Variants in TFR2 observed in about 807,000 individuals in gnomAD.
TFR2 encodes transferrin receptor protein 2.
In TFR2, 64 loss-of-function variants were observed where a neutral mutation model predicts 91.9. The ratio of observed to expected loss-of-function variants is 0.70; its 90% CI spans 0.57 to 0.86. The LOEUF is 0.86. TFR2 is among the 40% of genes least tolerant of loss of function. The probability of loss-of-function intolerance (pLI) is 0.00; values close to 1 mark genes in which losing one functional copy is unlikely to be tolerated. For synonymous variants in TFR2, 454 were observed against 459.6 expected (o/e 0.99, Z 0.15); for missense variants, 950 against 1,080.5 (o/e 0.88, Z 1.69).
At position 100,640,733 on chromosome 7, in the gene TFR2, G is replaced by A; in HGVS notation, c.426C>T (p.Ala142=). Residue 142 remains alanine, a synonymous_variant, in exon 3 of 18, where the codon GCC becomes GCT. Coordinates refer to ENST00000223051, the MANE Select transcript of TFR2 (RefSeq NM_003227.4). The part of the protein sequence containing the change: ...QGRLYWSDLQ[A]MFLQFLGEGR... ...CCTCCCCCAGGAACTGCAGGAACAT[G>A]GCCTGGAGGTCGCTCCAGTAGAGTC... The A allele has an allele frequency of 1.9e-6, 3 of 1,613,992 alleles. No homozygotes were observed. The highest frequency in any genetic ancestry group is 2.5e-6 in the Non-Finnish European group (3 of 1,179,978).
intron 17 of TFR2, chr7:100,626,396 T>G: frequency 1.1e-6 from 1 of 934,622 alleles, no homozygotes; most frequent in Non-Finnish European, 1.3e-6. Context: ...TAACCTCGTA[T>G]TGTGGACCAG....
Position 100,633,630 on chromosome 7 carries a change from G to A in TFR2, c.474-74C>T, listed in dbSNP as rs560568784. ...GGGAAGAGGGAAGGATGCCAGAGAC[G>A]TGGGGTCGCCAGGGGCAGGGGCGGC... On this transcript the variant is annotated intron_variant, in intron 3 of 17. Coordinates refer to ENST00000223051, the MANE Select transcript of TFR2 (RefSeq NM_003227.4). The A allele has an allele frequency of 1.2e-5, 19 of 1,526,700 alleles. No individual in the cohort carries two copies. The South Asian group carries it at 1.7e-4, about 14-fold the overall frequency. The allele number at this position is 1,526,700 out of a possible 1,614,324, so 94.6% of individuals were successfully genotyped here.
chr7:100,621,024 G>T lies in TFR2; in HGVS notation c.2239C>A (p.His747Asn), dbSNP rs544996556. 14 of 1,597,016 alleles carry T rather than the reference G, an allele frequency of 8.8e-6. No individual in the cohort carries two copies. In the South Asian group the frequency reaches 1.6e-4, roughly 18 times the overall value. Reference protein sequence around the residue: ...GDHTLGALLDHLRLLRSNSSG... With the variant: ...GDHTLGALLDNLRLLRSNSSG... ...CTGTTGGAGCGCAGCAGCCGCAGGT[G>T]GTCCAGCAGGGCGCCCAGCGTGTGG... Residue 747 changes from histidine (H) to asparagine (N), a missense_variant, in exon 18 of 18, where the codon CAC (histidine) becomes AAC (asparagine). Coordinates refer to ENST00000223051, the MANE Select transcript of TFR2 (RefSeq NM_003227.4).
At chr7:100,635,782 T>C (rs1313098521) in intron 3 of TFR2, among the ~76,000 whole-genome samples, 1 of 151,790 alleles carries the variant, frequency 6.6e-6, no homozygotes, top group Admixed American at 6.6e-5. Flanking sequence ...ATTATTTTTT[T>C]AAGAGACAGG....
At chr7:100,628,912 G>A (rs376048112) in intron 10 of TFR2, among the ~76,000 whole-genome samples, 3 of 151,968 alleles carry the variant, frequency 2.0e-5, no homozygotes, top group South Asian at 2.1e-4. Context: ...GATTACAGGC[G>A]CCCTCCACCA....
chr7:100,632,665 G>A (rs1428092213), intron 6 of TFR2: 3 of 332,168 alleles, frequency 9.0e-6, no homozygotes, highest in South Asian at 2.6e-5. Context: ...TCCTCCCACC[G>A]GAGCCTCCGG....
chr7:100,633,296 A>G lies in TFR2; in HGVS notation c.659T>C (p.Val220Ala). ...GTCCTCCAGCGGCAGCTGCTCTCCGACCTTCCCGGCCTCATCGACCCAGTG... is the reference window on the plus strand; with the variant it reads ...GTCCTCCAGCGGCAGCTGCTCTCCGGCCTTCCCGGCCTCATCGACCCAGTG... ...TLHWVDEAGK[V>A]GEQLPLEDPD... The change falls in exon 5 of 18, where the codon GTC (valine) becomes GCC (alanine). Residue 220 changes from valine to alanine, a missense_variant. Transcript: ENST00000223051. 6.2e-7 allele frequency: 1 copy of G among 1,613,322 alleles called. No individual in the cohort carries two copies. Among genetic ancestry groups the G allele is most frequent in the South Asian group, 1.1e-5 (1 of 91,048 alleles).
chr7:100,630,975 G>A lies in TFR2; in HGVS notation c.1184C>T (p.Pro395Leu), dbSNP rs1803414426. The change falls in exon 9 of 18, where the codon CCA becomes CTA. Residue 395 changes from proline (P) to leucine (L), a missense_variant. Transcript: ENST00000223051. ...LGSPYHLGPG[P>L]RLRLVVNNHR... ...ATTGTTGACCACTAGCCGCAGTCGT[G>A]GCCCGGGGCCCAGGTGATAAGGGGA... The A allele has an allele frequency of 6.2e-7, 1 of 1,612,492 alleles. No homozygotes were observed. Among genetic ancestry groups the A allele is most frequent in the Non-Finnish European group, 8.5e-7 (1 of 1,179,624 alleles).
chr7:100,629,198 G>C lies in TFR2; in HGVS notation c.1390+55C>G, dbSNP rs574605484. On this transcript the variant is annotated intron_variant, in intron 10 of 17. Coordinates refer to ENST00000223051, the MANE Select transcript of TFR2 (RefSeq NM_003227.4). ...ACTGCCTCTCTGCCCTATCCTCCTC[G>C]GGCCACAGGCCCACCGCTGCCTAGC... 8 of 1,608,288 alleles carry C rather than the reference G, an allele frequency of 5.0e-6. No individual in the cohort carries two copies. The African/African-American group carries it at 9.3e-5, about 19-fold the overall frequency.
At position 100,626,899 on chromosome 7, in the gene TFR2, C is replaced by T. The variant is rs1309851318; in HGVS notation, c.2000G>A (p.Arg667His). Residue 667 changes from arginine to histidine, a missense_variant, in exon 17 of 18, where the codon CGC becomes CAC. Arg to His is a conservative substitution (Grantham distance 29, BLOSUM62 0). Transcript: ENST00000223051. ...LNEFSGDLKARGLTLQWVYSA... is the reference protein window; with the variant it reads ...LNEFSGDLKAHGLTLQWVYSA... Reference sequence around the variant, plus strand: ...GTACACCCACTGCAGGGTCAGCCCGCGGGCCTGGGGTGGGGAGGCGCGGGC... The same window carrying T: ...GTACACCCACTGCAGGGTCAGCCCGTGGGCCTGGGGTGGGGAGGCGCGGGC... 4.6e-6 allele frequency: 7 copies of T among 1,537,986 alleles called. No individual in the cohort carries two copies. Among genetic ancestry groups the T allele is most frequent in the African/African-American group, 1.4e-5 (1 of 73,072 alleles).
At chr7:100,633,583 C>A in intron 3 of TFR2, 27 bp from the exon 4 acceptor site, 1 of 1,585,878 alleles carries the variant, frequency 6.3e-7, no homozygotes, top group Non-Finnish European at 8.5e-7. Flanking sequence ...GGGGACTTTT[C>A]TGGGCGCCCG....
rs34242818 is a variant in TFR2 at position 100,633,241 on chromosome 7, G to C, written c.714C>G (p.Ile238Met). 9.9e-3 allele frequency: 15,958 copies of C among 1,613,732 alleles called. 733 individuals are homozygous for C. In the African/African-American group the frequency reaches 0.12, roughly 12 times the overall value. The part of the protein sequence containing the change: ...DPDVYCPYSA[I>M]GNVTGELVYA... ...AGGGGGTGCTCACCGTGACGTTGCC[G>C]ATGGCGCTGTAGGGGCAGTAGACGT... is the stretch of plus-strand genomic sequence containing the variant. The change falls in exon 5 of 18, where the codon ATC becomes ATG. Residue 238 changes from isoleucine (I) to methionine (M), a missense_variant. By Grantham distance (10) the Ile-to-Met change is conservative. Coordinates refer to ENST00000223051, the MANE Select transcript of TFR2 (RefSeq NM_003227.4).
In TFR2 at chr7:100,620,918, G is replaced by A. The variant is rs201734913; in HGVS notation, c.2345C>T (p.Thr782Met). The A allele has an allele frequency of 4.3e-6, 7 of 1,614,172 alleles. No individual in the cohort carries two copies. The East Asian group carries it at 6.7e-5, about 15-fold the overall frequency. ...FRRQLALLTWTLQGAANALSG... is the reference protein window; with the variant it reads ...FRRQLALLTWMLQGAANALSG... ...AAGCGCATTGGCTGCCCCTTGCAGCGTCCAGGTGAGCAGGGCTAGCTGACG... is the reference window on the plus strand; with the variant it reads ...AAGCGCATTGGCTGCCCCTTGCAGCATCCAGGTGAGCAGGGCTAGCTGACG... The change falls in exon 18 of 18, where the codon ACG (threonine) becomes ATG (methionine). Residue 782 changes from threonine (T) to methionine (M), a missense_variant. By Grantham distance (81) the Thr-to-Met change is moderately conservative. Transcript: ENST00000223051.
Position 100,629,325 on chromosome 7 carries a change from C to A in TFR2, c.1318G>T (p.Ala440Ser), listed in dbSNP as rs1270395273. Residue 440 changes from alanine (A) to serine (S), a missense_variant, in exon 10 of 18, where the codon GCA (alanine) becomes TCA (serine). Ala to Ser is a moderately conservative substitution (Grantham distance 99, BLOSUM62 1). Transcript: ENST00000223051. ...GCCGTCCCCACAGCGGATTTAGCTG[C>A]TCCTGGGCCCCATGCATCCCTCTGG... Reference protein sequence around the residue: ...GAQRDAWGPGAAKSAVGTAIL... With the variant: ...GAQRDAWGPGSAKSAVGTAIL... 1 of 1,614,156 alleles carries A rather than the reference C, an allele frequency of 6.2e-7. No individual in the cohort carries two copies. The highest frequency in any genetic ancestry group is 1.7e-5 in the Admixed American group (1 of 60,024).
Position 100,620,714 on chromosome 7 carries a change from C to T in TFR2, c.*143G>A, listed in dbSNP as rs1453081760. The T allele has an allele frequency of 8.5e-7, 1 of 1,177,480 alleles. No homozygotes were observed. The highest frequency in any genetic ancestry group is 1.2e-6 in the Non-Finnish European group (1 of 825,008). 72.9% of individuals were successfully genotyped at this position (1,177,480 alleles called of 1,614,324 possible). ...GGATATCTGTGCTGGGGTCTGGGCT[C>T]CGTGGAGAGATGTGTAGGGGTAATG... On this transcript the variant is annotated 3_prime_UTR_variant, in exon 18 of 18. Coordinates refer to ENST00000223051, the MANE Select transcript of TFR2 (RefSeq NM_003227.4).
chr7:100,626,861 C>A lies in TFR2; in HGVS notation c.2038G>T (p.Asp680Tyr), dbSNP rs1302587036. The change falls in exon 17 of 18, where the codon GAC becomes TAC. Residue 680 changes from aspartate to tyrosine, a missense_variant. Physicochemically the swap from Asp to Tyr is radical, Grantham distance 160. Transcript: ENST00000223051. ...AGCTTTTCCGCCGCCCGGATGTAGT[C>A]CCCCCGCGCCGAGTACACCCACTGC... ...TLQWVYSARG[D>Y]YIRAAEKLRQ... is the part of the protein sequence containing the mutation. The A allele has an allele frequency of 1.3e-6, 2 of 1,547,832 alleles. No individual in the cohort carries two copies. Among genetic ancestry groups the A allele is most frequent in the East Asian group, 2.4e-5 (1 of 40,910 alleles).
chr7:100,625,128 C>T (rs1803221794), intron 17 of TFR2, among the ~76,000 whole-genome samples: 1 of 147,696 alleles, frequency 6.8e-6, no homozygotes. Context: ...GGCGTGCTCT[C>T]GGCTCACTGC....
intron 6 of TFR2, among the ~76,000 whole-genome samples, chr7:100,632,474 C>T (rs10267340): frequency 2.6e-5 from 4 of 151,890 alleles, no homozygotes; most frequent in Admixed American, 1.3e-4. Context: ...TTTTTTCCTT[C>T]TGATTCAATT....
intron 9 of TFR2, among the ~76,000 whole-genome samples, chr7:100,630,203 TCTTCCTTC>T (rs56033226): frequency 0.029 from 4,392 of 149,710 alleles, 88 homozygotes; most frequent in Middle Eastern, 0.069. Flanking sequence ...CATGCTTGAG[TCTTCCTTC>T]CTTCCTTCCT....
Sources: gnomAD v4.1 joint callset for allele counts (sites outside exome capture counted in the v4.1 genomes callset) on GRCh38, gnomAD v4.1.1 for gene constraint, MANE v1.5 for transcripts, NCBI Gene and HGNC (gene_info 2026-07-23, HGNC 2026-07-21) for gene names.